EML5: variants seen among roughly 807,000 people sequenced by gnomAD.
The protein encoded by EML5 is echinoderm microtubule-associated protein-like 5.
A neutral mutation model predicts 250.0 loss-of-function variants in EML5; 120 were observed. The observed-to-expected ratio is 0.48, with a 90% CI of 0.41 to 0.56. The LOEUF is 0.56. EML5 is among the 20% of genes least tolerant of loss of function. EML5 has a pLI of 0.00. For missense variants in EML5, 2,006 were observed against 2,437.6 expected (o/e 0.82, Z 3.73); for synonymous variants, 771 against 806.5 (o/e 0.96, Z 0.75).
chr14:88,787,989 C>A (rs376723513), intron 1 of EML5, among the ~76,000 whole-genome samples: 3 of 152,148 alleles, frequency 2.0e-5, no homozygotes, highest in African/African-American at 7.2e-5. Context: ...TGGGCTCCAA[C>A]CCTAGAAGAT....
intron 7 of EML5, among the ~76,000 whole-genome samples, chr14:88,733,276 G>A (rs1039120703): frequency 9.9e-5 from 15 of 152,196 alleles, no homozygotes; most frequent in Non-Finnish European, 2.9e-5. Flanking sequence ...ATAAACAAAG[G>A]TCAAGTTTAC....
chr14:88,673,904 T>G lies in EML5; in HGVS notation c.3124+7986A>C, dbSNP rs532277004. Among the ~76,000 whole-genome samples the G allele has an allele frequency of 3.9e-5, 6 of 152,276 alleles. No homozygotes were observed. The South Asian group carries it at 1.2e-3, about 32-fold the overall frequency. Reference sequence around the variant, plus strand: ...AGAAACAAATGAAATAATTCCATGCTCATACATAGGAAGAATAAATATTGT... The same window carrying G: ...AGAAACAAATGAAATAATTCCATGCGCATACATAGGAAGAATAAATATTGT... On this transcript the variant is annotated intron_variant, in intron 21 of 43. Coordinates refer to ENST00000554922, the MANE Select transcript of EML5 (RefSeq NM_183387.3).
At chr14:88,721,166 G>A (rs575589835) in intron 8 of EML5, among the ~76,000 whole-genome samples, 7 of 152,118 alleles carry the variant, frequency 4.6e-5, no homozygotes, top group African/African-American at 1.7e-4. Flanking sequence ...GGAAGAATGA[G>A]TATCATGAAA....
intron 20 of EML5, among the ~76,000 whole-genome samples, chr14:88,683,543 A>T (rs1444565345): frequency 6.6e-6 from 1 of 152,208 alleles, no homozygotes; most frequent in African/African-American, 2.4e-5. Flanking sequence ...AGAAAACTAA[A>T]TACCAATATC....
intron 1 of EML5, among the ~76,000 whole-genome samples, chr14:88,782,888 G>A (rs192005180): frequency 1.6e-4 from 25 of 152,172 alleles, no homozygotes; most frequent in Admixed American, 1.2e-3. Flanking sequence ...AAGATCAGCC[G>A]GGCCAACATG....
At chr14:88,720,352 C>A (rs1230961103) in intron 8 of EML5, among the ~76,000 whole-genome samples, 1 of 151,964 alleles carries the variant, frequency 6.6e-6, no homozygotes, top group African/African-American at 2.4e-5. Flanking sequence ...GGCCAGTATC[C>A]CTGATGAATA....
At chr14:88,687,837 C>T (rs569135264) in intron 18 of EML5, among the ~76,000 whole-genome samples, 11 of 151,980 alleles carry the variant, frequency 7.2e-5, no homozygotes, top group East Asian at 1.9e-4. Context: ...AATACTTTGA[C>T]GGCTGAGGTG....
chr14:88,636,660 C>G (rs2090754938), intron 32 of EML5, among the ~76,000 whole-genome samples: 1 of 151,994 alleles, frequency 6.6e-6, no homozygotes, highest in Non-Finnish European at 1.5e-5. Flanking sequence ...GACTCTGTCA[C>G]AAACAAAGAA....
At chr14:88,644,544 T>C in intron 29 of EML5, 33 bp from the exon 30 acceptor site, 1 of 1,600,216 alleles carries the variant, frequency 6.2e-7, no homozygotes, top group Non-Finnish European at 8.6e-7. Context: ...AGGAAAGGCA[T>C]GCAGCACTCA....
chr14:88,672,011 A>G (rs151186528), intron 21 of EML5, among the ~76,000 whole-genome samples: 3,033 of 152,218 alleles, frequency 0.02, 98 homozygotes, highest in African/African-American at 0.066. Context: ...AAATTAACAA[A>G]GATATTCAGG....
Position 88,720,292 on chromosome 14 carries a change from C to T in EML5, c.1188-5097G>A, listed in dbSNP as rs542008854. 3.9e-5 allele frequency among the ~76,000 whole-genome samples: 6 copies of T among 152,144 alleles called. No homozygotes were observed. In the East Asian group the frequency reaches 1.2e-3, roughly 29 times the overall value. On this transcript the variant is annotated intron_variant, in intron 8 of 43. Transcript: ENST00000554922. ...TCCTCCCTAACTCATTTTATGAGGCCAGCAACATCTTGATACCAAAACCTG... is the reference window on the plus strand; with the variant it reads ...TCCTCCCTAACTCATTTTATGAGGCTAGCAACATCTTGATACCAAAACCTG...
At chr14:88,678,549 A>G (rs71425326) in intron 21 of EML5, among the ~76,000 whole-genome samples, 1,828 of 152,320 alleles carry the variant, frequency 0.012, 16 homozygotes, top group South Asian at 0.018. Flanking sequence ...GAAGGGACAT[A>G]CATTAATTGT....
intron 21 of EML5, among the ~76,000 whole-genome samples, chr14:88,675,454 C>T (rs1057171807): frequency 6.6e-6 from 1 of 152,214 alleles, no homozygotes; most frequent in African/African-American, 2.4e-5. Flanking sequence ...CCCCTTTTAG[C>T]TATGGATGGA....
intron 5 of EML5, among the ~76,000 whole-genome samples, chr14:88,739,508 C>A (rs866795740): frequency 6.6e-6 from 1 of 151,838 alleles, no homozygotes; most frequent in Non-Finnish European, 1.5e-5. Context: ...AATTCCTATA[C>A]CACATGTAAA....
Position 88,657,386 on chromosome 14 carries a change from T to C in EML5, c.3994A>G (p.Ile1332Val), listed in dbSNP as rs376621538. The change falls in exon 27 of 44, where the codon ATT becomes GTT. Residue 1332 changes from isoleucine (I) to valine (V), a missense_variant. Ile to Val is a conservative substitution (Grantham distance 29). Around this residue, in one of 7 missense-constraint regions of EML5, gnomAD observed 1,375 missense variants for 1,590.3 expected, o/e 0.86. Transcript: ENST00000554922. ...AAACTAAATTATTACCTTTCATCAA[T>C]TGAGGGTTCTTTTTGTTGTAAATGA... The part of the protein sequence containing the change: ...KPHLQQKEPS[I>V]DERQGVVRGS... 5.6e-5 allele frequency: 88 copies of C among 1,573,776 alleles called. No individual in the cohort carries two copies. Among genetic ancestry groups the C allele is most frequent in the Admixed American group, 1.3e-4 (7 of 54,068 alleles).
In EML5 at chr14:88,705,529, G is replaced by C. The variant is rs531712062; in HGVS notation, c.1885C>G (p.Leu629Val). 2.7e-5 allele frequency: 43 copies of C among 1,604,800 alleles called. 1 individual carries two copies. In the South Asian group the frequency reaches 4.5e-4, roughly 17 times the overall value. Residue 629 changes from leucine to valine, a missense_variant, in exon 12 of 44, where the codon CTG becomes GTG. Coordinates refer to ENST00000554922, the MANE Select transcript of EML5 (RefSeq NM_183387.3). ...SDSDLSDVPE[L>V]DSEIEQETQL... ...GTCTCTTGTTCAATTTCAGAATCCAGTTCTGGAACATCAGACAGATCTGAA... is the reference window on the plus strand; with the variant it reads ...GTCTCTTGTTCAATTTCAGAATCCACTTCTGGAACATCAGACAGATCTGAA...
intron 14 of EML5, among the ~76,000 whole-genome samples, chr14:88,700,614 C>T (rs79632655): frequency 0.015 from 2,251 of 152,164 alleles, 37 homozygotes; most frequent in South Asian, 0.077. Context: ...CCCATTACTC[C>T]ACTACAACAA....
intron 10 of EML5, among the ~76,000 whole-genome samples, chr14:88,707,861 G>C (rs1198438183): frequency 6.6e-6 from 1 of 152,094 alleles, no homozygotes; most frequent in East Asian, 1.9e-4. Flanking sequence ...AGAGGGCTTT[G>C]GCTACTACTA....
intron 14 of EML5, among the ~76,000 whole-genome samples, chr14:88,699,209 AAG>A (rs2093151449): frequency 6.6e-6 from 1 of 152,132 alleles, no homozygotes; most frequent in Non-Finnish European, 1.5e-5. Context: ...AGTGGAGGGG[AAG>A]AGTTTTCCAA....
Sources: gnomAD v4.1 joint callset for allele counts (sites outside exome capture counted in the v4.1 genomes callset) on GRCh38, gnomAD v4.1.1 for gene constraint, gnomAD v4.1.1 regional missense constraint, MANE v1.5 for transcripts, NCBI Gene and HGNC (gene_info 2026-07-23, HGNC 2026-07-21) for gene names.